CNTNAP2: variants seen among roughly 807,000 people sequenced by gnomAD.
The protein encoded by CNTNAP2 is contactin-associated protein-like 2.
Under a neutral mutation model 155.2 loss-of-function variants are expected in CNTNAP2, and 98 were observed. The observed-to-expected ratio is 0.63, with a 90% confidence interval of 0.54 to 0.75. The LOEUF is 0.75. Among genes scored for constraint, CNTNAP2 ranks in the 30% least tolerant of loss-of-function variants. The pLI is 0.00. For missense variants in CNTNAP2, 1,727 were observed against 1,688.1 expected (o/e 1.02, Z -0.40); for synonymous variants, 651 against 631.2 (o/e 1.03, Z -0.47).
intron 17 of CNTNAP2, among the ~76,000 whole-genome samples, chr7:148,155,109 C>G (rs1014601229): frequency 2.6e-5 from 4 of 152,120 alleles, no homozygotes; most frequent in African/African-American, 4.8e-5. Flanking sequence ...TGAGTCCACA[C>G]GAGTCTATAA....
At chr7:146,956,014 TC>T (rs1245591447) in intron 3 of CNTNAP2, among the ~76,000 whole-genome samples, 1 of 151,976 alleles carries the variant, frequency 6.6e-6, no homozygotes, top group African/African-American at 2.4e-5. Flanking sequence ...TTAATAGTGT[TC>T]CCCCTCCAAG....
chr7:146,670,050 G>A (rs369519056), intron 1 of CNTNAP2, among the ~76,000 whole-genome samples: 12 of 152,120 alleles, frequency 7.9e-5, no homozygotes, highest in African/African-American at 2.9e-4. Flanking sequence ...TATGTATAAA[G>A]GCCCGCTGTC....
chr7:146,548,485 T>C (rs1327739217), intron 1 of CNTNAP2, among the ~76,000 whole-genome samples: 3 of 151,998 alleles, frequency 2.0e-5, no homozygotes, highest in African/African-American at 7.2e-5. Flanking sequence ...CATAAATCAT[T>C]CCATTATTAA....
chr7:146,966,001 A>G (rs530458185), intron 3 of CNTNAP2, among the ~76,000 whole-genome samples: 1 of 152,288 alleles, frequency 6.6e-6, no homozygotes, highest in South Asian at 2.1e-4. Flanking sequence ...TGCTTCTCTT[A>G]GTGAAGTGGA....
intron 2 of CNTNAP2, among the ~76,000 whole-genome samples, chr7:146,837,489 A>G (rs959206049): frequency 6.6e-6 from 1 of 152,088 alleles, no homozygotes; most frequent in Non-Finnish European, 1.5e-5. Context: ...AGAATTAATA[A>G]TTACTGTTTT....
chr7:146,471,725 T>C (rs915647831), intron 1 of CNTNAP2, among the ~76,000 whole-genome samples: 1 of 152,256 alleles, frequency 6.6e-6, no homozygotes, highest in African/African-American at 2.4e-5. Context: ...ATTATTTTAA[T>C]GATAACTATT....
chr7:147,466,503 G>A (rs1398125832), intron 10 of CNTNAP2, among the ~76,000 whole-genome samples: 1 of 152,072 alleles, frequency 6.6e-6, no homozygotes, highest in Non-Finnish European at 1.5e-5. Flanking sequence ...CTAACCTTGG[G>A]GGATAATAGG....
intron 1 of CNTNAP2, among the ~76,000 whole-genome samples, chr7:146,266,082 C>T (rs934839583): frequency 6.6e-6 from 1 of 152,058 alleles, no homozygotes; most frequent in African/African-American, 2.4e-5. Context: ...AAGCCATAAT[C>T]ACATGACTTC....
chr7:148,114,031 T>C (rs1403499190), intron 15 of CNTNAP2, among the ~76,000 whole-genome samples: 1 of 152,202 alleles, frequency 6.6e-6, no homozygotes, highest in Non-Finnish European at 1.5e-5. Context: ...CTCTTTGCCA[T>C]ATAGTGAATC....
chr7:146,348,624 A>G (rs944685426), intron 1 of CNTNAP2, among the ~76,000 whole-genome samples: 1 of 152,008 alleles, frequency 6.6e-6, no homozygotes, highest in Non-Finnish European at 1.5e-5. Context: ...GTTAAGTGTC[A>G]TGGTATATAT....
At chr7:146,970,240 C>G (rs1432447580) in intron 3 of CNTNAP2, among the ~76,000 whole-genome samples, 1 of 152,092 alleles carries the variant, frequency 6.6e-6, no homozygotes, top group Non-Finnish European at 1.5e-5. Context: ...AGCTTCTGCA[C>G]AGCAAAAGAA....
intron 8 of CNTNAP2, among the ~76,000 whole-genome samples, chr7:147,153,217 T>G (rs1801860578): frequency 6.6e-6 from 1 of 152,184 alleles, no homozygotes; most frequent in African/African-American, 2.4e-5. Context: ...GTAAGCCTAC[T>G]GTGTTCTGGG....
intron 8 of CNTNAP2, among the ~76,000 whole-genome samples, chr7:147,138,701 G>T (rs1276864995): frequency 6.6e-6 from 1 of 151,964 alleles, no homozygotes; most frequent in Non-Finnish European, 1.5e-5. Context: ...TCTTTAGAAA[G>T]CAAAAGGGAC....
intron 1 of CNTNAP2, among the ~76,000 whole-genome samples, chr7:146,571,757 A>C (rs1367726174): frequency 1.4e-5 from 2 of 145,460 alleles, no homozygotes; most frequent in Non-Finnish European, 3.0e-5. Context: ...TTTGAGACGC[A>C]GTCTCAATCT....
chr7:147,838,908 A>G (rs1380163846), intron 13 of CNTNAP2, among the ~76,000 whole-genome samples: 1 of 152,110 alleles, frequency 6.6e-6, no homozygotes, highest in Non-Finnish European at 1.5e-5. Context: ...AGGGTTCTCT[A>G]GAGGGACAGA....
At chr7:146,472,919 T>C (rs1796821075) in intron 1 of CNTNAP2, among the ~76,000 whole-genome samples, 1 of 149,938 alleles carries the variant, frequency 6.7e-6, no homozygotes, top group Non-Finnish European at 1.5e-5. Context: ...TTAAATGTAA[T>C]GGCATTAGCA....
chr7:148,121,067 C>T lies in CNTNAP2; in HGVS notation c.2554+2779C>T, dbSNP rs190834828. ...TTTTATTTTTTTTTATGGTGTCTCG[C>T]TCTGTCGCCCAGGCTGGAGTGCAGT... is the stretch of plus-strand genomic sequence containing the variant. On this transcript the variant is annotated intron_variant, in intron 16 of 23. Transcript: ENST00000361727. Among the ~76,000 whole-genome samples the T allele has an allele frequency of 1.2e-3, 179 of 152,048 alleles. 1 individual carries two copies. The highest frequency in any genetic ancestry group is 4.2e-3 in the African/African-American group (173 of 41,470).
intron 8 of CNTNAP2, among the ~76,000 whole-genome samples, chr7:147,267,821 A>G (rs1451429295): frequency 6.6e-6 from 1 of 152,184 alleles, no homozygotes; most frequent in African/African-American, 2.4e-5. Flanking sequence ...AGGATCAGTG[A>G]CTTTCAGCTC....
In CNTNAP2 at chr7:147,132,436, C is replaced by A. The variant is rs759910711; in HGVS notation, c.1275C>A (p.Asp425Glu). ...ATAATTTGGGCAATGTGGAGATTGACCTCACTGAAAGCAAAGTGGGTGTTC... is the reference window on the plus strand; with the variant it reads ...ATAATTTGGGCAATGTGGAGATTGAACTCACTGAAAGCAAAGTGGGTGTTC... Reference protein sequence around the residue: ...FADNLGNVEIDLTESKVGVHI... With the variant: ...FADNLGNVEIELTESKVGVHI... Residue 425 changes from aspartate to glutamate, a missense_variant, in exon 8 of 24, where the codon GAC (aspartate) becomes GAA (glutamate). By Grantham distance (45) the Asp-to-Glu change is conservative. Transcript: ENST00000361727. The A allele has an allele frequency of 1.2e-6, 2 of 1,613,628 alleles. No homozygotes were observed. The highest frequency in any genetic ancestry group is 2.2e-5 in the South Asian group (2 of 91,076).
Sources: allele counts gnomAD v4.1 joint callset (sites outside exome capture counted in the v4.1 genomes callset), GRCh38; gene constraint gnomAD v4.1.1; transcripts MANE v1.5; gene names NCBI Gene and HGNC (gene_info 2026-07-23, HGNC 2026-07-21).